THNSL2: variants seen among roughly 807,000 people sequenced by gnomAD.
THNSL2 encodes the protein threonine synthase-like 2.
A neutral mutation model predicts 40.0 loss-of-function variants in THNSL2; 34 were observed. The observed-to-expected ratio is 0.85, with a 90% CI of 0.65 to 1.13. The LOEUF is 1.13. Ranked by LOEUF, THNSL2 falls within the 50% of genes most tolerant of loss-of-function variation. The pLI is 0.00. For missense variants in THNSL2, 537 were observed against 608.8 expected, an observed-to-expected ratio of 0.88 and a Z score of 1.24; for synonymous variants, 241 against 247.5, an observed-to-expected ratio of 0.97 and a Z score of 0.25.
intron 4 of THNSL2, chr2:88,176,173 G>A (rs1676920251): frequency 6.6e-6 from 1 of 152,242 alleles, no homozygotes; most frequent in Admixed American, 6.5e-5. Flanking sequence ...GCCATGCACT[G>A]GTTATCTGGT....
Position 88,175,393 on chromosome 2 carries a change from T to C in THNSL2, c.563T>C (p.Val188Ala), listed in dbSNP as rs1676818305. Residue 188 changes from valine to alanine, a missense_variant, in exon 4 of 9, where the codon GTG (valine) becomes GCG (alanine). Physicochemically the swap from Val to Ala is moderately conservative, Grantham distance 64. Coordinates refer to ENST00000674334, the MANE Select transcript of THNSL2 (RefSeq NM_018271.5). ...ACGGTGCTGAAGCAGAACGTACATG[T>C]GTTTGGAGGTGTGTGCTGAGGCAGA... Reference protein sequence around the residue: ...MTTVLKQNVHVFGVEGNSDEL... With the variant: ...MTTVLKQNVHAFGVEGNSDEL... 2 of 1,614,034 alleles carry C rather than the reference T, an allele frequency of 1.2e-6. No individual in the cohort carries two copies. Among genetic ancestry groups the C allele is most frequent in the Non-Finnish European group, 1.7e-6 (2 of 1,179,988 alleles).
chr2:88,180,921 A>G lies in THNSL2; in HGVS notation c.803-1778A>G, dbSNP rs563897418. ...ATTTTGAATCCTGACTCTGACACTT[A>G]ACAGGCTTTGGACAGGTCATTTAGA... On this transcript the variant is annotated intron_variant, in intron 5 of 8. Transcript: ENST00000674334. 3.9e-5 allele frequency among the ~76,000 whole-genome samples: 6 copies of G among 152,278 alleles called. No homozygotes were observed. In the East Asian group the frequency reaches 1.2e-3, roughly 30 times the overall value.
chr2:88,182,726 T>C lies in THNSL2; in HGVS notation c.830T>C (p.Leu277Pro). ...AAGYIAQKIG[L>P]PIRLVVAVNR... ...GGGTACATTGCTCAAAAGATAGGCC[T>C]GCCCATCCGTCTGGTCGTGGCAGTG... Residue 277 changes from leucine to proline, a missense_variant, in exon 6 of 9, where the codon CTG becomes CCG. Coordinates refer to ENST00000674334, the MANE Select transcript of THNSL2 (RefSeq NM_018271.5). 6.2e-7 allele frequency: 1 copy of C among 1,613,752 alleles called. No individual in the cohort carries two copies. The highest frequency in any genetic ancestry group is 1.1e-5 in the South Asian group (1 of 91,060).
At chr2:88,173,045 A>C in intron 1 of THNSL2, 94 bp from the exon 2 acceptor site, 2 of 781,018 alleles carry the variant, frequency 2.6e-6, no homozygotes, top group Non-Finnish European at 4.0e-6. Context: ...CTGGTGGTCT[A>C]GAGGCTAACT....
chr2:88,185,923 G>T lies in THNSL2; in HGVS notation c.1255G>T (p.Ala419Ser), dbSNP rs1363278279. 6.2e-7 allele frequency: 1 copy of T among 1,609,840 alleles called. No individual in the cohort carries two copies. Among genetic ancestry groups the T allele is most frequent in the Non-Finnish European group, 8.5e-7 (1 of 1,178,632 alleles). The change falls in exon 9 of 9, where the codon GCC (alanine) becomes TCC (serine). Residue 419 changes from alanine (A) to serine (S), a missense_variant. Transcript: ENST00000674334. The part of the protein sequence containing the change: ...PSTPRCCLAP[A>S]SAAKFPEAVL... ...CACTCCCCGGTGCTGCCTCGCCCCT[G>T]CCTCTGCAGCCAAGTTCCCGGAAGC...
chr2:88,184,900 G>A (rs1678100735), intron 7 of THNSL2, among the ~76,000 whole-genome samples: 1 of 152,210 alleles, frequency 6.6e-6, no homozygotes, highest in African/African-American at 2.4e-5. Flanking sequence ...AACACACCGA[G>A]GGAGCACAGA....
In THNSL2 at chr2:88,186,176, C is replaced by T. The variant is rs1255685689; in HGVS notation, c.*53C>T. On this transcript the variant is annotated 3_prime_UTR_variant, in exon 9 of 9. Transcript: ENST00000674334. ...TTCAGATCCCAGGAAGATGCACCTT[C>T]TGAGCTGCCTTGTGCACCCTCCCCA... is the stretch of plus-strand genomic sequence containing the variant. 4 of 1,515,220 alleles carry T rather than the reference C, an allele frequency of 2.6e-6. No individual in the cohort carries two copies. The highest frequency in any genetic ancestry group is 1.7e-4 in the Middle Eastern group (1 of 5,932). The allele number at this position is 1,515,220 out of a possible 1,614,324, so 93.9% of individuals were successfully genotyped here. A position where few individuals can be genotyped will look rare whatever the true frequency, so the allele number is the denominator to read the frequency against.
In THNSL2 at chr2:88,179,065, C is replaced by T. The variant is rs1454989299; in HGVS notation, c.802+52C>T. Reference sequence around the variant, plus strand: ...GCTTTCCAGAAAAATGCCTGTGGCCCCAGTCCTTCTAGCTGCCCTTTGGCT... The same window carrying T: ...GCTTTCCAGAAAAATGCCTGTGGCCTCAGTCCTTCTAGCTGCCCTTTGGCT... On this transcript the variant is annotated intron_variant, in intron 5 of 8. Coordinates refer to ENST00000674334, the MANE Select transcript of THNSL2 (RefSeq NM_018271.5). The T allele has an allele frequency of 3.2e-6, 5 of 1,573,512 alleles. No individual in the cohort carries two copies. The South Asian group carries it at 4.4e-5, about 14-fold the overall frequency.
chr2:88,174,643 GATCGACCGAGCC>G lies in THNSL2; in HGVS notation c.229_240del (p.Ile77_Ala80del). 2.5e-6 allele frequency: 4 copies of G among 1,613,878 alleles called. No individual in the cohort carries two copies. Among genetic ancestry groups the G allele is most frequent in the Non-Finnish European group, 3.4e-6 (4 of 1,179,872 alleles). On this transcript the variant is annotated inframe_deletion, in exon 3 of 9. Transcript: ENST00000674334. ...TCCACCCCACTACCCTCACAGATCTGATCGACCGAGCCTTCAGCAGATTCCGTCACAGAGAAG... is the reference window on the plus strand; with the variant it reads ...TCCACCCCACTACCCTCACAGATCTGTTCAGCAGATTCCGTCACAGAGAAG...
intron 5 of THNSL2, 57 bp downstream of exon 5, chr2:88,179,070 CCTT>C (rs1677259300): frequency 3.2e-6 from 5 of 1,548,490 alleles, no homozygotes; most frequent in East Asian, 4.5e-5. Context: ...TGGCCCCAGT[CCTT>C]CTAGCTGCCC....
chr2:88,173,535 T>C (rs1031478675), intron 2 of THNSL2, among the ~76,000 whole-genome samples, 162 bp downstream of exon 2: 6 of 152,240 alleles, frequency 3.9e-5, no homozygotes, highest in Non-Finnish European at 5.9e-5. Context: ...TTGAAAATAT[T>C]CTGAAAGATT....
At position 88,174,785 on chromosome 2, in the gene THNSL2, C is replaced by T. The variant is rs1424485750; in HGVS notation, c.370C>T (p.Leu124=). 1 of 1,614,182 alleles carries T rather than the reference C, an allele frequency of 6.2e-7. No individual in the cohort carries two copies. Among genetic ancestry groups the T allele is most frequent in the East Asian group, 2.2e-5 (1 of 44,884 alleles). ...GTCCCTGTCCTGCACAACACAGTTC[C>T]TGCAGTACTTCCTGGAGAAGAGGGA... ...DLSLSCTTQF[L]QYFLEKREKH... The change falls in exon 3 of 9, where the codon CTG becomes TTG. Residue 124 remains leucine (L), a synonymous_variant. Coordinates refer to ENST00000674334, the MANE Select transcript of THNSL2 (RefSeq NM_018271.5).
intron 1 of THNSL2, chr2:88,171,465 C>A: frequency 2.6e-6 from 1 of 389,278 alleles, no homozygotes; most frequent in South Asian, 1.9e-5. Flanking sequence ...AAAATATTTT[C>A]TTTCGCTGTA....
chr2:88,171,592 G>A (rs1213988267), intron 1 of THNSL2: 1 of 224,364 alleles, frequency 4.5e-6, no homozygotes, highest in African/African-American at 2.3e-5. Flanking sequence ...GTCTTGGGCA[G>A]TTTGCGTTGG....
intron 1 of THNSL2, 87 bp from the exon 2 acceptor site, chr2:88,173,052 A>G: frequency 1.2e-6 from 1 of 863,168 alleles, no homozygotes. Context: ...TCTAGAGGCT[A>G]ACTGTGAGAC....
rs768760412 is a variant in THNSL2 at position 88,173,178 on chromosome 2, G to A, written c.28G>A (p.Ala10Thr). The A allele has an allele frequency of 6.3e-6, 10 of 1,591,358 alleles. No individual in the cohort carries two copies. The highest frequency in any genetic ancestry group is 1.1e-5 in the South Asian group (1 of 88,596). The part of the protein sequence containing the change: MWYVSTRGV[A>T]PRVNFEGALF... ...GTGGTATGTCAGCACCAGGGGCGTA[G>A]CCCCACGGGTCAACTTTGAGGGGGC... Residue 10 changes from alanine to threonine, a missense_variant, in exon 2 of 9, where the codon GCC becomes ACC. Coordinates refer to ENST00000674334, the MANE Select transcript of THNSL2 (RefSeq NM_018271.5).
chr2:88,185,788 C>T lies in THNSL2; in HGVS notation c.1230-110C>T, dbSNP rs926404262. On this transcript the variant is annotated intron_variant, in intron 8 of 8. Coordinates refer to ENST00000674334, the MANE Select transcript of THNSL2 (RefSeq NM_018271.5). ...TCTGTCTGTGTCTCTGTCCTCCATA[C>T]CCCCCCATCCCTAAACTTCCTCTGT... The T allele has an allele frequency of 7.2e-6, 11 of 1,530,104 alleles. No individual in the cohort carries two copies. In the Admixed American group the frequency reaches 9.9e-5, roughly 14 times the overall value. 94.8% of individuals were successfully genotyped at this position (1,530,104 alleles called of 1,614,324 possible).
chr2:88,175,982 C>T (rs1204555148), intron 4 of THNSL2: 1 of 152,612 alleles, frequency 6.6e-6, no homozygotes, highest in African/African-American at 2.4e-5. Context: ...TCTGTAGTCC[C>T]AGCTACTCCA....
chr2:88,174,522 A>G (rs1316860213), intron 2 of THNSL2, 117 bp from the exon 3 acceptor site: 14 of 1,022,416 alleles, frequency 1.4e-5, no homozygotes, highest in Admixed American at 2.6e-5. Context: ...ATCATTTAAG[A>G]TGAAGATTTT....
Sources: allele counts gnomAD v4.1 joint callset (sites outside exome capture counted in the v4.1 genomes callset), GRCh38; gene constraint gnomAD v4.1.1; transcripts MANE v1.5; gene names NCBI Gene and HGNC (gene_info 2026-07-23, HGNC 2026-07-21).